SH3RF3: variants seen among roughly 807,000 people sequenced by gnomAD.
The protein encoded by SH3RF3 is SH3 domain containing ring finger 3.
In SH3RF3, 29 loss-of-function variants were observed where a neutral mutation model predicts 66.3. The observed-to-expected ratio is 0.44, with a 90% CI of 0.33 to 0.60. SH3RF3 has a LOEUF of 0.60. SH3RF3 is among the 20% of genes least tolerant of loss of function. The pLI is 0.04. For missense variants in SH3RF3, 1,194 were observed against 1,190.9 expected, an observed-to-expected ratio of 1.00 and a Z score of -0.04; for synonymous variants, 583 against 532.0, an observed-to-expected ratio of 1.10 and a Z score of -1.32.
chr2:109,457,460 T>G (rs1573267767), intron 8 of SH3RF3, among the ~76,000 whole-genome samples: 1 of 152,248 alleles, frequency 6.6e-6, no homozygotes, highest in Non-Finnish European at 1.5e-5. Context: ...GTAAGTCATG[T>G]GTAATAGTTG....
At chr2:109,232,192 C>G (rs1377372278) in intron 1 of SH3RF3, among the ~76,000 whole-genome samples, 1 of 152,200 alleles carries the variant, frequency 6.6e-6, no homozygotes, top group Admixed American at 6.5e-5. Context: ...TAAGGAACTT[C>G]CAGGCTATTT....
Position 109,182,275 on chromosome 2 carries a change from G to T in SH3RF3, c.573+52162G>T, listed in dbSNP as rs979806979. Among the ~76,000 whole-genome samples, 7 of 152,176 alleles carry T rather than the reference G, an allele frequency of 4.6e-5. No individual in the cohort carries two copies. In the South Asian group the frequency reaches 1.4e-3, roughly 31 times the overall value. Reference sequence around the variant, plus strand: ...CATCCCATGGCAGAAGGCATCGCATGGTGAGATAGTATGTGTGCATGTGAG... The same window carrying T: ...CATCCCATGGCAGAAGGCATCGCATTGTGAGATAGTATGTGTGCATGTGAG... On this transcript the variant is annotated intron_variant, in intron 1 of 9. Coordinates refer to ENST00000309415, the MANE Select transcript of SH3RF3 (RefSeq NM_001099289.3).
chr2:109,351,868 CCTT>C (rs1284969406), intron 2 of SH3RF3, among the ~76,000 whole-genome samples: 4 of 152,218 alleles, frequency 2.6e-5, no homozygotes, highest in African/African-American at 9.6e-5. Flanking sequence ...TTCCATGTGA[CCTT>C]CTTATGCTGC....
At chr2:109,381,251 C>A (rs956459266) in intron 3 of SH3RF3, among the ~76,000 whole-genome samples, 1 of 152,222 alleles carries the variant, frequency 6.6e-6, no homozygotes, top group Non-Finnish European at 1.5e-5. Context: ...GGCCTGCAGC[C>A]GGTGGAAGTA....
At chr2:109,206,580 G>A (rs1234872145) in intron 1 of SH3RF3, among the ~76,000 whole-genome samples, 1 of 151,592 alleles carries the variant, frequency 6.6e-6, no homozygotes, top group Non-Finnish European at 1.5e-5. Flanking sequence ...AGGTCAAGGA[G>A]GGAGGATAGC....
chr2:109,479,430 T>C (rs1188825903), intron 8 of SH3RF3, among the ~76,000 whole-genome samples: 1 of 152,198 alleles, frequency 6.6e-6, no homozygotes, highest in African/African-American at 2.4e-5. Flanking sequence ...TTTCCTTGAG[T>C]TCAGTAGGAA....
chr2:109,186,793 C>G (rs546939172), intron 1 of SH3RF3, among the ~76,000 whole-genome samples: 3 of 152,324 alleles, frequency 2.0e-5, no homozygotes, highest in Admixed American at 1.3e-4. Context: ...AATATCACTG[C>G]CTTAGGTTCC....
chr2:109,392,896 C>G (rs892438808), intron 3 of SH3RF3, among the ~76,000 whole-genome samples: 1 of 152,174 alleles, frequency 6.6e-6, no homozygotes, highest in African/African-American at 2.4e-5. Context: ...TTGGAATGTT[C>G]CACACACAAC....
chr2:109,260,601 T>C (rs961129546), intron 1 of SH3RF3, among the ~76,000 whole-genome samples: 1 of 152,220 alleles, frequency 6.6e-6, no homozygotes, highest in Non-Finnish European at 1.5e-5. Context: ...GAGTGCCTGA[T>C]GCAGGATCTG....
chr2:109,143,424 T>G (rs1224384024), intron 1 of SH3RF3, among the ~76,000 whole-genome samples: 1 of 152,064 alleles, frequency 6.6e-6, no homozygotes, highest in Non-Finnish European at 1.5e-5. Flanking sequence ...GCAACCCAGA[T>G]GTCCATCACC....
At chr2:109,164,978 CTCT>C (rs1677582297) in intron 1 of SH3RF3, among the ~76,000 whole-genome samples, 1 of 152,156 alleles carries the variant, frequency 6.6e-6, no homozygotes, top group Non-Finnish European at 1.5e-5. Flanking sequence ...TTTTTAAAGC[CTCT>C]TCTTAGTCAT....
rs560506776 is a variant in SH3RF3 at position 109,364,602 on chromosome 2, T to G, written c.850-6984T>G. 8.9e-4 allele frequency among the ~76,000 whole-genome samples: 135 copies of G among 152,356 alleles called. 1 individual carries two copies. The highest frequency in any genetic ancestry group is 6.8e-3 in the Middle Eastern group (2 of 294). ...ACTGCTGTAAATAGGCCTTTGGTGCTGTGGGGGCCATGCGGCCACAAATGT... is the reference window on the plus strand; with the variant it reads ...ACTGCTGTAAATAGGCCTTTGGTGCGGTGGGGGCCATGCGGCCACAAATGT... On this transcript the variant is annotated intron_variant, in intron 2 of 9. Transcript: ENST00000309415.
chr2:109,449,206 C>A lies in SH3RF3; in HGVS notation c.1865C>A (p.Thr622Asn), dbSNP rs370334548. ...GCAGCCCAGGCTCAGGACCGGCCAACTGCCACCGTGTCACCCCTGCGCACC... is the reference window on the plus strand; with the variant it reads ...GCAGCCCAGGCTCAGGACCGGCCAAATGCCACCGTGTCACCCCTGCGCACC... ...HSAAQAQDRPTATVSPLRTQN... is the reference protein window; with the variant it reads ...HSAAQAQDRPNATVSPLRTQN... Residue 622 changes from threonine to asparagine, a missense_variant, in exon 8 of 10, where the codon ACT (threonine) becomes AAT (asparagine). By Grantham distance (65) the Thr-to-Asn change is moderately conservative. Coordinates refer to ENST00000309415, the MANE Select transcript of SH3RF3 (RefSeq NM_001099289.3). The A allele has an allele frequency of 2.5e-6, 4 of 1,613,728 alleles. No homozygotes were observed. Among genetic ancestry groups the A allele is most frequent in the Non-Finnish European group, 3.4e-6 (4 of 1,179,842 alleles).
At chr2:109,340,345 G>A (rs1417916015) in intron 1 of SH3RF3, among the ~76,000 whole-genome samples, 2 of 152,230 alleles carry the variant, frequency 1.3e-5, no homozygotes, top group Admixed American at 6.5e-5. Flanking sequence ...CACACAGGAG[G>A]TGCTCAGGAC....
chr2:109,267,515 T>TG (rs751696893), intron 1 of SH3RF3, among the ~76,000 whole-genome samples: 2 of 152,160 alleles, frequency 1.3e-5, no homozygotes, highest in African/African-American at 2.4e-5. Flanking sequence ...TCTTTGTGCT[T>TG]GCTTCTTTGA....
At chr2:109,451,471 CT>C (rs926649356) in intron 8 of SH3RF3, among the ~76,000 whole-genome samples, 2 of 152,186 alleles carry the variant, frequency 1.3e-5, no homozygotes, top group Non-Finnish European at 2.9e-5. Context: ...TTCCCTCTCT[CT>C]AGTTTGTGAA....
intron 3 of SH3RF3, among the ~76,000 whole-genome samples, chr2:109,385,800 C>T (rs1008700362): frequency 1.3e-5 from 2 of 152,206 alleles, no homozygotes; most frequent in Non-Finnish European, 2.9e-5. Flanking sequence ...GAGGTAGGAC[C>T]TGGCACCAGA....
chr2:109,294,612 G>C (rs1035084246), intron 1 of SH3RF3, among the ~76,000 whole-genome samples: 7 of 151,214 alleles, frequency 4.6e-5, no homozygotes, highest in African/African-American at 1.7e-4. Flanking sequence ...AAGAATTGCT[G>C]TGAGAGCCAT....
intron 4 of SH3RF3, among the ~76,000 whole-genome samples, chr2:109,417,525 C>T (rs1019675567): frequency 6.6e-6 from 1 of 152,174 alleles, no homozygotes; most frequent in African/African-American, 2.4e-5. Context: ...GAGGCAGGCA[C>T]AGGACCCTCC....
Sources: gnomAD v4.1 joint callset for allele counts (sites outside exome capture counted in the v4.1 genomes callset) on GRCh38, gnomAD v4.1.1 for gene constraint, MANE v1.5 for transcripts, NCBI Gene and HGNC (gene_info 2026-07-23, HGNC 2026-07-21) for gene names.